THSD7B: variants seen among roughly 807,000 people sequenced by gnomAD.
The protein encoded by THSD7B is thrombospondin type 1 domain containing 7B.
A neutral mutation model predicts 213.6 loss-of-function variants in THSD7B; 138 were observed. The observed-to-expected ratio is 0.65, with a 90% CI of 0.56 to 0.74. The LOEUF (loss-of-function observed/expected upper bound fraction) is 0.74. Ranked by LOEUF, THSD7B falls within the 30% of genes least tolerant of loss-of-function variation. The pLI is 0.00. For missense variants in THSD7B, 1,931 were observed against 1,991.5 expected (o/e 0.97, Z 0.58); for synonymous variants, 742 against 687.0 (o/e 1.08, Z -1.25).
intron 2 of THSD7B, among the ~76,000 whole-genome samples, chr2:136,931,605 C>T (rs1230040034): frequency 6.6e-6 from 1 of 152,118 alleles, no homozygotes; most frequent in Non-Finnish European, 1.5e-5. Flanking sequence ...ACTTTTTGCT[C>T]CCCATGTCCC....
intron 17 of THSD7B, among the ~76,000 whole-genome samples, chr2:137,581,703 T>C (rs1407026027): frequency 3.5e-5 from 5 of 142,200 alleles, no homozygotes; most frequent in Non-Finnish European, 7.6e-5. Flanking sequence ...GAGCTTGCAG[T>C]GAGCCGAGAT....
chr2:137,016,282 C>T (rs1686338398), intron 2 of THSD7B, among the ~76,000 whole-genome samples: 1 of 152,118 alleles, frequency 6.6e-6, no homozygotes, highest in African/African-American at 2.4e-5. Flanking sequence ...CTCCCAAAAA[C>T]TGATGGAAGT....
chr2:136,938,513 T>A (rs1294735185), intron 2 of THSD7B, among the ~76,000 whole-genome samples: 3 of 152,200 alleles, frequency 2.0e-5, no homozygotes, highest in Non-Finnish European at 4.4e-5. Flanking sequence ...TTTCCCTATG[T>A]ACTGTGTATA....
At chr2:137,631,351 T>A (rs1042637717) in intron 20 of THSD7B, among the ~76,000 whole-genome samples, 1 of 152,156 alleles carries the variant, frequency 6.6e-6, no homozygotes. Flanking sequence ...GAATTATTCA[T>A]AATTATTTAA....
chr2:137,233,132 A>G lies in THSD7B; in HGVS notation c.2149A>G (p.Arg717Gly). The G allele has an allele frequency of 6.2e-7, 1 of 1,611,664 alleles. No individual in the cohort carries two copies. Among genetic ancestry groups the G allele is most frequent in the Non-Finnish European group, 8.5e-7 (1 of 1,178,570 alleles). ...KSHVGQVMTK[R>G]CPDSTRPETV... ...TCACGTGGGACAAGTAATGACCAAA[A>G]GGTATTTATTAGGCTGTTACTGAAA... Residue 717 changes from arginine to glycine, a missense_variant and splice_region_variant, in exon 9 of 28, where the codon AGA becomes GGA. Arg to Gly is a moderately radical substitution (Grantham distance 125). Transcript: ENST00000409968.
intron 2 of THSD7B, among the ~76,000 whole-genome samples, chr2:136,999,465 GTT>G (rs199846048): frequency 7.4e-6 from 1 of 135,620 alleles, no homozygotes. Context: ...TAGGTATCTT[GTT>G]TTTTTTTTTT....
At chr2:136,929,375 G>C (rs1169980804) in intron 2 of THSD7B, among the ~76,000 whole-genome samples, 1 of 152,282 alleles carries the variant, frequency 6.6e-6, no homozygotes, top group Middle Eastern at 3.4e-3. Context: ...CACTTCTGCA[G>C]CTTTCTACAT....
At chr2:136,959,890 T>C (rs476299) in intron 2 of THSD7B, among the ~76,000 whole-genome samples, 1 of 151,932 alleles carries the variant, frequency 6.6e-6, no homozygotes, top group Non-Finnish European at 1.5e-5. Flanking sequence ...AGAGATTAAG[T>C]TGAGGAAAAG....
At chr2:137,340,888 G>A (rs1684746539) in intron 12 of THSD7B, among the ~76,000 whole-genome samples, 1 of 151,580 alleles carries the variant, frequency 6.6e-6, no homozygotes, top group Non-Finnish European at 1.5e-5. Flanking sequence ...AATGAACATG[G>A]GAGTGTGGAC....
intron 16 of THSD7B, among the ~76,000 whole-genome samples, chr2:137,567,299 G>A (rs1461210780): frequency 1.3e-5 from 2 of 151,914 alleles, no homozygotes; most frequent in African/African-American, 4.8e-5. Context: ...CTCCCAAATA[G>A]CTGAGATTAC....
At chr2:137,385,580 G>A (rs1230526180) in intron 12 of THSD7B, among the ~76,000 whole-genome samples, 1 of 152,134 alleles carries the variant, frequency 6.6e-6, no homozygotes, top group Non-Finnish European at 1.5e-5. Flanking sequence ...TAACCTCTAA[G>A]GAAAGCTTGC....
At chr2:137,370,178 C>G (rs373136063) in intron 12 of THSD7B, among the ~76,000 whole-genome samples, 1 of 151,824 alleles carries the variant, frequency 6.6e-6, no homozygotes, top group African/African-American at 2.4e-5. Flanking sequence ...ATCTGGTATG[C>G]TATTTCGTAT....
At chr2:137,066,280 C>T (rs1687380121) in intron 3 of THSD7B, among the ~76,000 whole-genome samples, 1 of 145,234 alleles carries the variant, frequency 6.9e-6, no homozygotes, top group Non-Finnish European at 1.5e-5. Context: ...CAACTTCTGT[C>T]TCCCAGGTTC....
chr2:137,637,035 A>G (rs1682846143), intron 20 of THSD7B, among the ~76,000 whole-genome samples: 1 of 152,178 alleles, frequency 6.6e-6, no homozygotes, highest in African/African-American at 2.4e-5. Flanking sequence ...ATACAACACC[A>G]TAATTTTATC....
chr2:137,065,904 T>C (rs1687366443), intron 3 of THSD7B, among the ~76,000 whole-genome samples: 2 of 152,236 alleles, frequency 1.3e-5, no homozygotes, highest in South Asian at 2.1e-4. Flanking sequence ...AATTACCAAA[T>C]ACATTGTTGC....
chr2:137,225,197 G>A (rs756778904), intron 7 of THSD7B, among the ~76,000 whole-genome samples: 3 of 152,016 alleles, frequency 2.0e-5, no homozygotes, highest in Non-Finnish European at 2.9e-5. Context: ...TACTTATGTG[G>A]CCTTGTATTC....
chr2:137,321,596 A>C (rs1157403577), intron 12 of THSD7B, among the ~76,000 whole-genome samples: 1 of 152,188 alleles, frequency 6.6e-6, no homozygotes. Context: ...AGCTGAATCA[A>C]CCAATCATAG....
At chr2:136,803,887 G>A (rs537785696) in intron 1 of THSD7B, among the ~76,000 whole-genome samples, 2 of 152,270 alleles carry the variant, frequency 1.3e-5, no homozygotes, top group Non-Finnish European at 2.9e-5. Flanking sequence ...AAGGTGTGAG[G>A]AAATTCACCC....
chr2:136,892,064 A>G (rs1286618489), intron 2 of THSD7B, among the ~76,000 whole-genome samples: 2 of 152,004 alleles, frequency 1.3e-5, no homozygotes, highest in African/African-American at 4.8e-5. Flanking sequence ...GTCTCGCCAT[A>G]TGGAAGCTTC....
Sources: gnomAD v4.1 joint callset for allele counts (sites outside exome capture counted in the v4.1 genomes callset) on GRCh38, gnomAD v4.1.1 for gene constraint, MANE v1.5 for transcripts, NCBI Gene and HGNC (gene_info 2026-07-23, HGNC 2026-07-21) for gene names.